The following PDE8B variants were observed in gnomAD, a reference collection of about 807,000 sequenced individuals.
PDE8B encodes phosphodiesterase 8B, also known as high affinity cAMP-specific and IBMX-insensitive 3',5'-cyclic phosphodiesterase 8B.
PDE8B carries 26 observed loss-of-function variants against 101.3 expected under a neutral mutation model. The ratio of observed to expected loss-of-function variants is 0.26; its 90% CI spans 0.19 to 0.36. The LOEUF (loss-of-function observed/expected upper bound fraction) is 0.36. PDE8B is among the 10% of genes least tolerant of loss of function. PDE8B has a pLI of 1.00. For missense variants in PDE8B, 810 were observed against 1,163.1 expected (o/e 0.70, Z 4.42); for synonymous variants, 424 against 429.3 (o/e 0.99, Z 0.15).
intron 1 of PDE8B, among the ~76,000 whole-genome samples, chr5:77,248,567 T>C (rs1757434227): frequency 6.6e-6 from 1 of 152,178 alleles, no homozygotes; most frequent in Non-Finnish European, 1.5e-5. Flanking sequence ...AAAAAGTCCG[T>C]GTGTACCTAC....
intron 10 of PDE8B, among the ~76,000 whole-genome samples, chr5:77,388,006 G>A (rs1315171786): frequency 6.6e-6 from 1 of 151,898 alleles, no homozygotes; most frequent in Admixed American, 6.6e-5. Flanking sequence ...TAGTTTCCTT[G>A]CATTGGGTTA....
chr5:77,107,359 T>C, the PDE8B span, among the ~76,000 whole-genome samples: 1 of 152,244 alleles, frequency 6.6e-6, no homozygotes, highest in Non-Finnish European at 1.5e-5. Context: ...GTTTATACAT[T>C]CACCTTGTAT....
At chr5:77,229,145 A>C (rs72765194) in intron 1 of PDE8B, among the ~76,000 whole-genome samples, 20,269 of 152,218 alleles carry the variant, frequency 0.13, 1,913 homozygotes, top group East Asian at 0.5. Flanking sequence ...ATACTCTTTA[A>C]AGAGCTTATG....
intron 11 of PDE8B, among the ~76,000 whole-genome samples, chr5:77,403,539 C>G (rs1581510194): frequency 6.6e-6 from 1 of 151,604 alleles, no homozygotes; most frequent in South Asian, 2.1e-4. Flanking sequence ...AAAAGCCTTC[C>G]CTATCCAGTT....
At chr5:77,104,874 T>G in the PDE8B span, 1 of 152,086 alleles carries the variant, frequency 6.6e-6, no homozygotes, top group East Asian at 1.9e-4. Context: ...GCTTTAGAAA[T>G]GTATACAACC....
the PDE8B span, chr5:77,113,146 T>C: frequency 6.6e-6 from 1 of 152,292 alleles, no homozygotes; most frequent in South Asian, 2.1e-4. Flanking sequence ...CCACTGACTT[T>C]CTTCACAGAA....
At chr5:77,187,906 T>TA in the PDE8B span, among the ~76,000 whole-genome samples, 1 of 152,232 alleles carries the variant, frequency 6.6e-6, no homozygotes, top group Non-Finnish European at 1.5e-5. Flanking sequence ...TGAAGGGTGT[T>TA]ACTAAGGTCA....
chr5:77,415,536 T>C lies in PDE8B; in HGVS notation c.1911+2227T>C, dbSNP rs1795360019. ...CCAAGCCCAGGCTAATTTTTGTATGTTTAGTAGAGATGGGGTTTCACCATG... is the reference window on the plus strand; with the variant it reads ...CCAAGCCCAGGCTAATTTTTGTATGCTTAGTAGAGATGGGGTTTCACCATG... On this transcript the variant is annotated intron_variant, in intron 17 of 21. Coordinates refer to ENST00000264917, the MANE Select transcript of PDE8B (RefSeq NM_003719.5). 2.0e-5 allele frequency among the ~76,000 whole-genome samples: 3 copies of C among 151,936 alleles called. No homozygotes were observed. The South Asian group carries it at 6.3e-4, about 32-fold the overall frequency.
intron 10 of PDE8B, among the ~76,000 whole-genome samples, chr5:77,367,000 G>C (rs1784260578): frequency 6.6e-6 from 1 of 152,050 alleles, no homozygotes; most frequent in East Asian, 1.9e-4. Flanking sequence ...AGGGGGTCCA[G>C]GCCCCTTGGG....
Position 77,324,468 on chromosome 5 carries a change from C to G in PDE8B, c.400-1071C>G, listed in dbSNP as rs1333674579. On this transcript the variant is annotated intron_variant, in intron 2 of 21. Coordinates refer to ENST00000264917, the MANE Select transcript of PDE8B (RefSeq NM_003719.5). ...TGAGCTCAGGTGGTGGTAGGGTAGT[C>G]TGTGTCTTTCTGGCTGGCAGAGAAT... Among the ~76,000 whole-genome samples the G allele has an allele frequency of 2.6e-5, 4 of 152,234 alleles. No individual in the cohort carries two copies. The East Asian group carries it at 7.7e-4, about 29-fold the overall frequency.
intron 1 of PDE8B, among the ~76,000 whole-genome samples, chr5:77,246,293 C>T (rs941960012): frequency 4.6e-5 from 7 of 152,188 alleles, no homozygotes; most frequent in Admixed American, 1.3e-4. Context: ...GGCTTGTGGG[C>T]GTGGGGGGTT....
At chr5:77,391,095 T>A (rs1369836137) in intron 10 of PDE8B, among the ~76,000 whole-genome samples, 2 of 152,224 alleles carry the variant, frequency 1.3e-5, no homozygotes, top group African/African-American at 4.8e-5. Flanking sequence ...ATTCTCCCAA[T>A]GAGCTCAACT....
At chr5:77,306,832 C>T (rs1335255942) in intron 1 of PDE8B, among the ~76,000 whole-genome samples, 1 of 152,182 alleles carries the variant, frequency 6.6e-6, no homozygotes, top group African/African-American at 2.4e-5. Flanking sequence ...TGGGTTGTAT[C>T]GTGGAGTTCC....
At chr5:77,402,677 A>G (rs146316138) in intron 11 of PDE8B, among the ~76,000 whole-genome samples, 56 of 152,382 alleles carry the variant, frequency 3.7e-4, no homozygotes, top group African/African-American at 1.3e-3. Flanking sequence ...TATGTGGCAG[A>G]CACTGTTCTA....
At chr5:77,173,479 T>A in the PDE8B span, among the ~76,000 whole-genome samples, 2 of 152,218 alleles carry the variant, frequency 1.3e-5, no homozygotes. Context: ...GTTTTGTTAA[T>A]CAGGATATTC....
intron 1 of PDE8B, among the ~76,000 whole-genome samples, chr5:77,288,813 T>C (rs1034926199): frequency 2.0e-5 from 3 of 152,068 alleles, no homozygotes; most frequent in Admixed American, 2.0e-4. Context: ...CCTCGGTTTT[T>C]TCCTGTTAAA....
rs536833469 is a variant in PDE8B, at chr5:77,343,273, T to G, written c.798-1580T>G. Reference sequence around the variant, plus strand: ...ATCATTTAATGATGGGGATATGTTCTGAGAAATGTGTCGTTGGATGATTTT... The same window carrying G: ...ATCATTTAATGATGGGGATATGTTCGGAGAAATGTGTCGTTGGATGATTTT... On this transcript the variant is annotated intron_variant, in intron 6 of 21. Transcript: ENST00000264917. Among the ~76,000 whole-genome samples the G allele has an allele frequency of 1.1e-4, 16 of 152,344 alleles. No individual in the cohort carries two copies. The South Asian group carries it at 3.3e-3, about 32-fold the overall frequency.
rs73764857 is a variant in PDE8B at position 77,397,915 on chromosome 5, G to A, written c.1168-2333G>A. Among the ~76,000 whole-genome samples, 1,242 of 148,746 alleles carry A rather than the reference G, an allele frequency of 8.3e-3. 22 individuals carry two copies. The highest frequency in any genetic ancestry group is 0.029 in the African/African-American group (1,177 of 40,200). ...AAGTAATCTCTGTACCCCACCCCCC[G>A]CCTCCCCACACACTAACCAGAGATG... On this transcript the variant is annotated intron_variant, in intron 10 of 21. Transcript: ENST00000264917.
chr5:77,413,140 T>C lies in PDE8B; in HGVS notation c.1742T>C (p.Phe581Ser). 1.2e-6 allele frequency: 2 copies of C among 1,614,102 alleles called. No homozygotes were observed. The highest frequency in any genetic ancestry group is 8.5e-7 in the Non-Finnish European group (1 of 1,179,990). Reference protein sequence around the residue: ...RPLVYLGLKVFSRFGVCEFLN... With the variant: ...RPLVYLGLKVSSRFGVCEFLN... ...TTGGTTTATCTGGGCTTAAAGGTCT[T>C]CTCTCGGTTTGGAGTATGTGAATTT... Residue 581 changes from phenylalanine (F) to serine (S), a missense_variant, in exon 17 of 22, where the codon TTC becomes TCC. Physicochemically the swap from Phe to Ser is radical, Grantham distance 155 (BLOSUM62 -2). Around this residue, in one of 4 missense-constraint regions of PDE8B, gnomAD observed 325 missense variants for 560.9 expected, o/e 0.58. Coordinates refer to ENST00000264917, the MANE Select transcript of PDE8B (RefSeq NM_003719.5).
Sources: gnomAD v4.1 joint callset for allele counts (sites outside exome capture counted in the v4.1 genomes callset) on GRCh38, gnomAD v4.1.1 for gene constraint, gnomAD v4.1.1 regional missense constraint, MANE v1.5 for transcripts, NCBI Gene and HGNC (gene_info 2026-07-23, HGNC 2026-07-21) for gene names.